STIMATE: variants seen among roughly 807,000 people sequenced by gnomAD.
STIMATE encodes the protein STIM activating enhancer, also known as store-operated calcium entry regulator STIMATE.
STIMATE carries 15 observed loss-of-function variants against 36.7 expected under a neutral mutation model. The ratio of observed to expected loss-of-function variants is 0.41; its 90% CI spans 0.27 to 0.63. The LOEUF (loss-of-function observed/expected upper bound fraction) is 0.63. STIMATE is among the 20% of genes least tolerant of loss of function. STIMATE has a pLI of 0.32. For missense variants in STIMATE, 305 were observed against 397.3 expected (o/e 0.77, Z 1.98); for synonymous variants, 163 against 162.3 (o/e 1.00, Z -0.03).
chr3:52,877,763 A>C (rs971537418), intron 1 of STIMATE, among the ~76,000 whole-genome samples: 1 of 152,228 alleles, frequency 6.6e-6, no homozygotes, highest in Non-Finnish European at 1.5e-5. Flanking sequence ...CGGCAGTGCC[A>C]AGCACTGTAT....
At chr3:52,882,050 C>T (rs1334308386) in intron 1 of STIMATE, among the ~76,000 whole-genome samples, 1 of 152,248 alleles carries the variant, frequency 6.6e-6, no homozygotes, top group Non-Finnish European at 1.5e-5. Flanking sequence ...CTCATGTTCT[C>T]TTGTAAGGCT....
At chr3:52,855,278 A>C in intron 2 of STIMATE, 118 bp downstream of exon 2, 1 of 1,239,900 alleles carries the variant, frequency 8.1e-7, no homozygotes, top group Middle Eastern at 2.1e-4. Context: ...ACATTATATT[A>C]TGTATCATTT....
chr3:52,847,212 C>G (rs1193523171), intron 4 of STIMATE: 1 of 1,127,266 alleles, frequency 8.9e-7, no homozygotes, highest in East Asian at 7.2e-5. Flanking sequence ...GCACCTGGAC[C>G]TTGTGTGTCT....
At chr3:52,855,521 C>T (rs1701077598) in intron 1 of STIMATE, 77 bp from the exon 2 acceptor site, 1 of 1,596,668 alleles carries the variant, frequency 6.3e-7, no homozygotes, top group East Asian at 2.3e-5. Flanking sequence ...GCTGGGTTAT[C>T]AGTCTACTCA....
intron 4 of STIMATE, among the ~76,000 whole-genome samples, chr3:52,849,330 C>A (rs1460894647): frequency 6.6e-6 from 1 of 152,200 alleles, no homozygotes; most frequent in Non-Finnish European, 1.5e-5. Context: ...GGCCTAGCAA[C>A]AGGACAAGCA....
chr3:52,836,964 A>AACCAACC lies in STIMATE; in HGVS notation c.*3523_*3529dup, dbSNP rs1700713872. ...AAATCAAATTTAAAACAACCCAACC[A>AACCAACC]ACCAACCACCAACCAACCCAGGAGC... On this transcript the variant is annotated 3_prime_UTR_variant, in exon 8 of 8. Transcript: ENST00000355083. 5.2e-6 allele frequency: 1 copy of AACCAACC among 191,924 alleles called. No individual in the cohort carries two copies. The highest frequency in any genetic ancestry group is 1.1e-5 in the Non-Finnish European group (1 of 91,000). 11.9% of individuals were successfully genotyped at this position (191,924 alleles called of 1,614,324 possible).
In STIMATE at chr3:52,840,265, G is replaced by A; in HGVS notation, c.*229C>T. On this transcript the variant is annotated 3_prime_UTR_variant, in exon 8 of 8. Coordinates refer to ENST00000355083, the MANE Select transcript of STIMATE (RefSeq NM_198563.5). ...CTTGCATATTTGGTCAGTGTTTGTA[G>A]TGCAACTGAATGGGGACCTCCAGCC... The A allele has an allele frequency of 2.1e-6, 1 of 485,032 alleles. No homozygotes were observed. Among genetic ancestry groups the A allele is most frequent in the Admixed American group, 3.5e-5 (1 of 28,322 alleles). 30.0% of individuals were successfully genotyped at this position (485,032 alleles called of 1,614,324 possible).
chr3:52,878,254 A>G (rs1225821655), intron 1 of STIMATE, among the ~76,000 whole-genome samples: 1 of 151,430 alleles, frequency 6.6e-6, no homozygotes, highest in Non-Finnish European at 1.5e-5. Flanking sequence ...GATGCTAGAC[A>G]CCACGCATGT....
rs748220024 is a variant in STIMATE, at chr3:52,897,400, G to A, written c.51C>T (p.Pro17=). 392 of 1,487,752 alleles carry A rather than the reference G, an allele frequency of 2.6e-4. 2 individuals are homozygous for A. The highest frequency in any genetic ancestry group is 4.9e-4 in the South Asian group (39 of 79,576). 92.2% of individuals were successfully genotyped at this position (1,487,752 alleles called of 1,614,324 possible). The change falls in exon 1 of 8, where the codon CCC becomes CCT. Residue 17 remains proline (P), a synonymous_variant. Coordinates refer to ENST00000355083, the MANE Select transcript of STIMATE (RefSeq NM_198563.5). ...NASRGLPGGP[P]STVASGAGRC... ...GGCCCGCCCCGGACGCGACTGTGGA[G>A]GGCGGCCCGCCTGGCAGTCCCCGGC...
Position 52,844,943 on chromosome 3 carries a change from T to C in STIMATE, c.428-2A>G, listed in dbSNP as rs755312223. ...AGGCTCCACACTGCAGAGGGTCTCC[T>C]GCAGGGACAGGCGGGTGCTTAGTCA... On this transcript the variant is annotated splice_acceptor_variant, in intron 4 of 7. Transcript: ENST00000355083. LOFTEE classifies it high-confidence loss of function. The C allele has an allele frequency of 6.2e-7, 1 of 1,613,370 alleles. No individual in the cohort carries two copies. Among genetic ancestry groups the C allele is most frequent in the Non-Finnish European group, 8.5e-7 (1 of 1,179,578 alleles).
intron 1 of STIMATE, among the ~76,000 whole-genome samples, chr3:52,877,176 CA>C (rs1268855903): frequency 6.6e-6 from 1 of 152,228 alleles, no homozygotes; most frequent in Non-Finnish European, 1.5e-5. Flanking sequence ...CGCTTTTGGG[CA>C]ACCCAGTGCC....
chr3:52,883,248 G>A (rs1184344003), intron 1 of STIMATE, among the ~76,000 whole-genome samples: 1 of 152,146 alleles, frequency 6.6e-6, no homozygotes, highest in East Asian at 1.9e-4. Context: ...TTTACTTTCA[G>A]GACTTTAAAG....
intron 1 of STIMATE, among the ~76,000 whole-genome samples, chr3:52,858,830 A>G (rs1265529006): frequency 6.6e-6 from 1 of 152,164 alleles, no homozygotes; most frequent in Non-Finnish European, 1.5e-5. Flanking sequence ...ATGACACAGT[A>G]CATACGTTCA....
chr3:52,893,751 A>G (rs1701819771), intron 1 of STIMATE, among the ~76,000 whole-genome samples: 1 of 152,238 alleles, frequency 6.6e-6, no homozygotes, highest in African/African-American at 2.4e-5. Context: ...GCTAGGCCCC[A>G]TGTCTATAAC....
intron 1 of STIMATE, among the ~76,000 whole-genome samples, chr3:52,860,240 T>C (rs1397324762): frequency 6.6e-6 from 1 of 151,888 alleles, no homozygotes; most frequent in Admixed American, 6.6e-5. Flanking sequence ...CTTGCCTTCA[T>C]CACACCCTAG....
rs372649372 is a variant in STIMATE, at chr3:52,897,284, G to A, written c.160+7C>T. 1 of 1,545,322 alleles carries A rather than the reference G, an allele frequency of 6.5e-7. No individual in the cohort carries two copies. On this transcript the variant is annotated splice_region_variant and intron_variant, in intron 1 of 7. Transcript: ENST00000355083. ...GCCTCCGGAGGGTCGGGGGGTCCCA[G>A]ACTCACGCATTAACGTGCTGAAGGC...
intron 1 of STIMATE, among the ~76,000 whole-genome samples, chr3:52,865,008 G>A (rs1045840756): frequency 6.6e-6 from 1 of 151,296 alleles, no homozygotes; most frequent in African/African-American, 2.4e-5. Flanking sequence ...GTGTAGTGGC[G>A]TGATCTCGGC....
chr3:52,844,923 C>A lies in STIMATE; in HGVS notation c.446G>T (p.Gly149Val). Residue 149 changes from glycine (G) to valine (V), a missense_variant, in exon 5 of 8, where the codon GGA (glycine) becomes GTA (valine). Physicochemically the swap from Gly to Val is moderately radical, Grantham distance 109. Transcript: ENST00000355083. ...FGEYGDPLQC[G>V]AWVGQCALYI... ...AAGAGCGCACTGCCCGACCCAGGCT[C>A]CACACTGCAGAGGGTCTCCTGCAGG... 6.2e-7 allele frequency: 1 copy of A among 1,613,964 alleles called. No individual in the cohort carries two copies. Among genetic ancestry groups the A allele is most frequent in the Non-Finnish European group, 8.5e-7 (1 of 1,179,954 alleles).
intron 1 of STIMATE, among the ~76,000 whole-genome samples, chr3:52,874,125 T>C (rs1312437842): frequency 1.3e-5 from 2 of 152,164 alleles, no homozygotes; most frequent in East Asian, 1.9e-4. Flanking sequence ...CACTGCAGCA[T>C]TGTCTTTAAG....
Sources: allele counts gnomAD v4.1 joint callset (sites outside exome capture counted in the v4.1 genomes callset), GRCh38; gene constraint gnomAD v4.1.1; transcripts MANE v1.5; gene names NCBI Gene and HGNC (gene_info 2026-07-23, HGNC 2026-07-21).